Variants in CLEC2A observed in about 807,000 individuals in gnomAD.
CLEC2A encodes C-type lectin domain family 2 member A.
A neutral mutation model predicts 18.6 loss-of-function variants in CLEC2A; 19 were observed. That is an observed-to-expected ratio of 1.02 (90% CI 0.71 to 1.50). The LOEUF is 1.50. CLEC2A is among the 40% of genes most tolerant of loss of function. The pLI, the probability that CLEC2A is intolerant of heterozygous loss-of-function variation, is 0.00. For missense variants in CLEC2A, 190 were observed against 207.9 expected, an observed-to-expected ratio of 0.91 and a Z score of 0.53; for synonymous variants, 74 against 64.0, an observed-to-expected ratio of 1.16 and a Z score of -0.75.
downstream of CLEC2A, among the ~76,000 whole-genome samples, chr12:9,912,985 C>T (rs1241283481): frequency 2.0e-5 from 3 of 152,194 alleles, no homozygotes; most frequent in Non-Finnish European, 4.4e-5. Flanking sequence ...ATTAAAACTG[C>T]ACTAATGCAA....
chr12:9,885,489 T>C, the CLEC2A span, among the ~76,000 whole-genome samples: 1 of 151,966 alleles, frequency 6.6e-6, no homozygotes, highest in African/African-American at 2.4e-5. Flanking sequence ...GTCTTGCTTT[T>C]AAGGCTGTGA....
chr12:9,903,226 T>C (rs1178912954), intron 4 of CLEC2A, among the ~76,000 whole-genome samples: 1 of 152,122 alleles, frequency 6.6e-6, no homozygotes, highest in Non-Finnish European at 1.5e-5. Context: ...TAACATAATT[T>C]GGCTTTGCTG....
chr12:9,914,116 C>T (rs77218044), intron 4 of CLEC2A, among the ~76,000 whole-genome samples: 6,753 of 152,156 alleles, frequency 0.044, 478 homozygotes, highest in East Asian at 0.35. Flanking sequence ...TGTACTTTTT[C>T]AAAAAGTAAA....
chr12:9,881,637 T>A, the CLEC2A span: 6 of 1,535,546 alleles, frequency 3.9e-6, no homozygotes, highest in East Asian at 1.5e-4. Flanking sequence ...GTTTCAAGAA[T>A]CGTTGTAAAT....
chr12:9,905,984 C>T (rs1159982674), intron 4 of CLEC2A, among the ~76,000 whole-genome samples: 1 of 151,382 alleles, frequency 6.6e-6, no homozygotes, highest in Non-Finnish European at 1.5e-5. Context: ...TGGATTTCTT[C>T]CCCCAAGTGG....
At chr12:9,889,692 A>C in the CLEC2A span, among the ~76,000 whole-genome samples, 2 of 151,758 alleles carry the variant, frequency 1.3e-5, no homozygotes, top group Non-Finnish European at 2.9e-5. Context: ...ATATATACAC[A>C]CATATATACA....
the CLEC2A span, among the ~76,000 whole-genome samples, chr12:9,879,252 GC>G: frequency 6.6e-6 from 1 of 152,172 alleles, no homozygotes; most frequent in Non-Finnish European, 1.5e-5. Context: ...CAGAAACTTA[GC>G]CCGTATTTTC....
the CLEC2A span, chr12:9,893,204 A>C: frequency 9.8e-5 from 148 of 1,508,454 alleles, 1 homozygote; most frequent in South Asian, 1.7e-3. Context: ...CTGCACAAGG[A>C]AAAATGGCTT....
chr12:9,908,860 A>G (rs1246316711), downstream of CLEC2A, among the ~76,000 whole-genome samples: 7 of 152,160 alleles, frequency 4.6e-5, no homozygotes, highest in African/African-American at 1.7e-4. Flanking sequence ...TGGGTCATTT[A>G]TAGATTTTGG....
At chr12:9,893,579 A>G in the CLEC2A span, 1 of 753,324 alleles carries the variant, frequency 1.3e-6, no homozygotes, top group Non-Finnish European at 2.1e-6. Flanking sequence ...GCTAATGTTT[A>G]TAGAATTATT....
intron 2 of CLEC2A, among the ~76,000 whole-genome samples, chr12:9,923,201 T>C (rs1863202858): frequency 6.6e-6 from 1 of 152,100 alleles, no homozygotes; most frequent in Non-Finnish European, 1.5e-5. Flanking sequence ...AGGACTAATA[T>C]CCAGAATCTA....
chr12:9,917,683 A>G (rs1304364034), intron 3 of CLEC2A, among the ~76,000 whole-genome samples: 1 of 152,176 alleles, frequency 6.6e-6, no homozygotes, highest in Non-Finnish European at 1.5e-5. Context: ...GAATTGCCAC[A>G]CTGCTTTCCA....
At chr12:9,894,151 T>TCTCTCTCC (rs1555127282), downstream of CLEC2A, among the ~76,000 whole-genome samples, 3 of 147,470 alleles carry the variant, frequency 2.0e-5, no homozygotes, top group Non-Finnish European at 3.0e-5. Flanking sequence ...TCTCTCTCTC[T>TCTCTCTCC]CTCCCTCCCT....
Position 9,916,653 on chromosome 12 carries a change from A to T in CLEC2A, c.410+47T>A, listed in dbSNP as rs575317127. 5 of 1,187,956 alleles carry T rather than the reference A, an allele frequency of 4.2e-6. No homozygotes were observed. The African/African-American group carries it at 7.5e-5, about 18-fold the overall frequency. The allele number at this position is 1,187,956 out of a possible 1,614,324, so 73.6% of individuals were successfully genotyped here. A position where few individuals can be genotyped will look rare whatever the true frequency, so the allele number is the denominator to read the frequency against. ...AACTCAAAATGATTTAAAATTTTTC[A>T]TATGACACACCAGAATAAGAACATT... On this transcript the variant is annotated intron_variant, in intron 4 of 4. Transcript: ENST00000455827.
chr12:9,906,050 CA>C (rs1862904555), intron 4 of CLEC2A, among the ~76,000 whole-genome samples: 1 of 141,504 alleles, frequency 7.1e-6, no homozygotes, highest in South Asian at 2.3e-4. Context: ...ACATATTAGA[CA>C]GCTATCTCTA....
rs12299496 is a variant in CLEC2A at position 9,930,746 on chromosome 12, C to G, written c.55+1529G>C. ...CCTATCCGCTATTCTTTTTTTCTCT[C>G]TCTCTGTTTCAGATTCTTGTTATCT... On this transcript the variant is annotated intron_variant, in intron 1 of 4. Transcript: ENST00000455827. 7.1e-3 allele frequency among the ~76,000 whole-genome samples: 1,078 copies of G among 151,910 alleles called. 19 individuals are homozygous for G. Among genetic ancestry groups the G allele is most frequent in the African/African-American group, 0.025 (1,055 of 41,476 alleles).
chr12:9,907,081 G>T (rs1862917285), intron 4 of CLEC2A, among the ~76,000 whole-genome samples: 1 of 152,140 alleles, frequency 6.6e-6, no homozygotes, highest in Non-Finnish European at 1.5e-5. Context: ...TCAGTAATGT[G>T]GTTGCTGTGA....
At chr12:9,915,575 C>G (rs1227271037) in intron 4 of CLEC2A, among the ~76,000 whole-genome samples, 1 of 152,084 alleles carries the variant, frequency 6.6e-6, no homozygotes, top group Non-Finnish European at 1.5e-5. Context: ...AATCTGGAAA[C>G]TGTCATCCTC....
At chr12:9,914,501 G>A (rs921713570) in intron 4 of CLEC2A, among the ~76,000 whole-genome samples, 4 of 152,116 alleles carry the variant, frequency 2.6e-5, no homozygotes, top group African/African-American at 9.7e-5. Context: ...GCATGGTACT[G>A]GTACCAAAAC....
Sources: gnomAD v4.1 joint callset for allele counts (sites outside exome capture counted in the v4.1 genomes callset) on GRCh38, gnomAD v4.1.1 for gene constraint, MANE v1.5 for transcripts, NCBI Gene and HGNC (gene_info 2026-07-23, HGNC 2026-07-21) for gene names.